ARL15: variants seen among roughly 807,000 people sequenced by gnomAD.
The protein encoded by ARL15 is ARF like GTPase 15, also known as ADP-ribosylation factor-like protein 15.
In ARL15, 19 loss-of-function variants were observed where a neutral mutation model predicts 25.2. The ratio of observed to expected loss-of-function variants is 0.75; its 90% CI spans 0.53 to 1.10. The LOEUF (loss-of-function observed/expected upper bound fraction) is 1.10. Among genes scored for constraint, ARL15 ranks in the 50% least tolerant of loss-of-function variants. The pLI, the probability that ARL15 is intolerant of heterozygous loss-of-function variation, is 0.00. For synonymous variants in ARL15, 94 were observed against 86.8 expected (o/e 1.08, Z -0.46); for missense variants, 220 against 246.0 (o/e 0.89, Z 0.71).
intron 4 of ARL15, among the ~76,000 whole-genome samples, chr5:53,953,041 G>GTCA (rs1747028895): frequency 6.6e-6 from 1 of 152,120 alleles, no homozygotes; most frequent in Non-Finnish European, 1.5e-5. Flanking sequence ...CAGCTCCACT[G>GTCA]TCATAAAACA....
intron 4 of ARL15, among the ~76,000 whole-genome samples, chr5:54,081,103 G>A (rs1204946863): frequency 2.0e-5 from 3 of 152,142 alleles, no homozygotes; most frequent in Non-Finnish European, 4.4e-5. Flanking sequence ...CATGTTGGGT[G>A]TTAGGACTTC....
chr5:54,133,319 G>A (rs183355868), intron 3 of ARL15, among the ~76,000 whole-genome samples: 185 of 152,198 alleles, frequency 1.2e-3, no homozygotes, highest in Non-Finnish European at 1.9e-3. Flanking sequence ...TTAAAGAGTC[G>A]AAGTTCCACA....
chr5:54,172,932 A>G lies in ARL15; in HGVS notation c.49-1004T>C, dbSNP rs566480365. On this transcript the variant is annotated intron_variant, in intron 1 of 4. Transcript: ENST00000504924. ...CTCTGCAAGAGTTAAAGACAAGGGG[A>G]TCTGGGCCAGGCACAGTGGCTCAGG... 2.1e-3 allele frequency among the ~76,000 whole-genome samples: 320 copies of G among 152,252 alleles called. 1 individual carries two copies. The highest frequency in any genetic ancestry group is 7.4e-3 in the African/African-American group (309 of 41,544).
At chr5:53,992,102 C>T (rs1166102595) in intron 4 of ARL15, among the ~76,000 whole-genome samples, 1 of 152,068 alleles carries the variant, frequency 6.6e-6, no homozygotes, top group Non-Finnish European at 1.5e-5. Flanking sequence ...CCTCCAAAAA[C>T]CCAACCTTAG....
intron 1 of ARL15, among the ~76,000 whole-genome samples, chr5:54,214,941 G>T (rs557674206): frequency 2.0e-5 from 3 of 152,214 alleles, no homozygotes; most frequent in African/African-American, 7.2e-5. Context: ...TTCCCACCGC[G>T]TTGGGGCAGC....
chr5:54,211,303 A>G (rs1756034845), intron 1 of ARL15, among the ~76,000 whole-genome samples: 1 of 152,122 alleles, frequency 6.6e-6, no homozygotes, highest in African/African-American at 2.4e-5. Context: ...GGAGCTGTAG[A>G]GCTGTTCTAT....
At chr5:54,222,092 T>C (rs1326126643) in intron 1 of ARL15, among the ~76,000 whole-genome samples, 2 of 152,274 alleles carry the variant, frequency 1.3e-5, no homozygotes, top group Admixed American at 6.5e-5. Context: ...GAAATATCAA[T>C]CCTGAAAGAA....
chr5:54,297,822 G>T (rs939886363), intron 1 of ARL15, among the ~76,000 whole-genome samples: 4 of 151,786 alleles, frequency 2.6e-5, no homozygotes, highest in African/African-American at 9.7e-5. Context: ...TCGCTCTGTC[G>T]CCCAGGCTGG....
At chr5:54,267,527 T>C (rs1325078063) in intron 1 of ARL15, among the ~76,000 whole-genome samples, 2 of 152,228 alleles carry the variant, frequency 1.3e-5, no homozygotes, top group African/African-American at 4.8e-5. Flanking sequence ...CATAAGGACA[T>C]AATTTCCAAC....
In ARL15 at chr5:54,032,620, C is replaced by T. The variant is rs144556569; in HGVS notation, c.462+80582G>A. On this transcript the variant is annotated intron_variant, in intron 4 of 4. Coordinates refer to ENST00000504924, the MANE Select transcript of ARL15 (RefSeq NM_019087.3). ...ATGACAAAAAAAAAAATGTGACAGG[C>T]AAGAGAAGAAATTTCTCACAATGCA... Among the ~76,000 whole-genome samples the T allele has an allele frequency of 6.3e-4, 96 of 151,488 alleles. 1 individual carries two copies. The highest frequency in any genetic ancestry group is 3.4e-3 in the Middle Eastern group (1 of 292).
At chr5:53,985,021 T>C (rs1748244030) in intron 4 of ARL15, among the ~76,000 whole-genome samples, 1 of 152,222 alleles carries the variant, frequency 6.6e-6, no homozygotes, top group South Asian at 2.1e-4. Flanking sequence ...TTTCTACTTA[T>C]CTATGTAAAA....
intron 1 of ARL15, among the ~76,000 whole-genome samples, chr5:54,246,178 T>G (rs909736664): frequency 2.6e-5 from 4 of 151,718 alleles, no homozygotes; most frequent in African/African-American, 9.7e-5. Context: ...CCCTTCTTCC[T>G]CCTGTTCTTT....
At chr5:54,283,655 T>A in intron 1 of ARL15, among the ~76,000 whole-genome samples, 1 of 152,212 alleles carries the variant, frequency 6.6e-6, no homozygotes, top group East Asian at 1.9e-4. Flanking sequence ...ATTCTTCCCA[T>A]CTACCTTTGG....
At chr5:54,069,399 C>T (rs1292905978) in intron 4 of ARL15, among the ~76,000 whole-genome samples, 1 of 151,658 alleles carries the variant, frequency 6.6e-6, no homozygotes, top group Non-Finnish European at 1.5e-5. Context: ...GGCGAAACCC[C>T]GTCTCTACTA....
intron 4 of ARL15, among the ~76,000 whole-genome samples, chr5:53,983,486 A>G (rs1472025878): frequency 6.6e-6 from 1 of 152,152 alleles, no homozygotes; most frequent in Non-Finnish European, 1.5e-5. Context: ...TATCTCAGCA[A>G]TGTCACTTTC....
At chr5:54,171,648 G>C (rs2112400596) in intron 2 of ARL15, 136 bp downstream of exon 2, 1 of 1,073,808 alleles carries the variant, frequency 9.3e-7, no homozygotes, top group East Asian at 2.7e-5. Flanking sequence ...TTTTGAAAAA[G>C]AGATAGTGTT....
intron 4 of ARL15, among the ~76,000 whole-genome samples, chr5:54,049,256 A>G (rs990633272): frequency 6.6e-6 from 1 of 152,116 alleles, no homozygotes; most frequent in Non-Finnish European, 1.5e-5. Flanking sequence ...TTTTAAAGAC[A>G]GGATCTTGCT....
chr5:54,187,824 T>G (rs974519184), intron 1 of ARL15, among the ~76,000 whole-genome samples: 1 of 152,212 alleles, frequency 6.6e-6, no homozygotes, highest in Non-Finnish European at 1.5e-5. Context: ...TCACCTTCAA[T>G]GTCTTATGGG....
At chr5:53,991,142 G>C (rs960258096) in intron 4 of ARL15, among the ~76,000 whole-genome samples, 1 of 152,124 alleles carries the variant, frequency 6.6e-6, no homozygotes, top group South Asian at 2.1e-4. Flanking sequence ...TTTTAGGAAC[G>C]CATCTGTTAT....
Sources: allele counts gnomAD v4.1 joint callset (sites outside exome capture counted in the v4.1 genomes callset), GRCh38; gene constraint gnomAD v4.1.1; transcripts MANE v1.5; gene names NCBI Gene and HGNC (gene_info 2026-07-23, HGNC 2026-07-21).